PGAP3: variants seen among roughly 807,000 people sequenced by gnomAD.
PGAP3 encodes post-GPI attachment to proteins phospholipase 3.
A neutral mutation model predicts 40.3 loss-of-function variants in PGAP3; 31 were observed. That is an observed-to-expected ratio of 0.77 (90% CI 0.58 to 1.04). PGAP3 has a LOEUF of 1.04. Ranked by LOEUF, PGAP3 falls within the 50% of genes least tolerant of loss-of-function variation. The probability of loss-of-function intolerance (pLI) is 0.00; values close to 1 mark genes in which losing one functional copy is unlikely to be tolerated. For synonymous variants in PGAP3, 191 were observed against 184.5 expected (o/e 1.04, Z -0.29); for missense variants, 413 against 423.0 (o/e 0.98, Z 0.21).
At position 39,687,822 on chromosome 17, in the gene PGAP3, G is replaced by T; in HGVS notation, c.181+12C>A. 1.4e-6 allele frequency: 2 copies of T among 1,414,160 alleles called. No homozygotes were observed. Among genetic ancestry groups the T allele is most frequent in the African/African-American group, 1.4e-5 (1 of 69,162 alleles). The allele number at this position is 1,414,160 out of a possible 1,614,324, so 87.6% of individuals were successfully genotyped here. On this transcript the variant is annotated intron_variant, in intron 1 of 7. Coordinates refer to ENST00000300658, the MANE Select transcript of PGAP3 (RefSeq NM_033419.5). ...ACAAATGGGCGGGGCTTACCGTGGG[G>T]GTGGGGCTTACCTGCTAGACTCATG... is the stretch of plus-strand genomic sequence containing the variant.
At chr17:39,674,484 T>A in intron 4 of PGAP3, 133 bp downstream of exon 4, 1 of 979,114 alleles carries the variant, frequency 1.0e-6, no homozygotes, top group South Asian at 1.8e-5. Flanking sequence ...ACCAACAGGT[T>A]TAGGATGCCC....
chr17:39,682,344 C>T (rs1481905006), intron 3 of PGAP3, among the ~76,000 whole-genome samples: 1 of 149,726 alleles, frequency 6.7e-6, no homozygotes, highest in African/African-American at 2.5e-5. Context: ...TGCTATTGCC[C>T]AATGGAAACT....
At position 39,672,224 on chromosome 17, in the gene PGAP3, G is replaced by A. The variant is rs1250521549; in HGVS notation, c.*579C>T. ...GAAAGGGAGTATGGTGAGGCCTCCT[G>A]GGAACCTGGCTAGGGCAATGGTCAG... On this transcript the variant is annotated 3_prime_UTR_variant, in exon 8 of 8. Coordinates refer to ENST00000300658, the MANE Select transcript of PGAP3 (RefSeq NM_033419.5). 1 of 156,010 alleles carries A rather than the reference G, an allele frequency of 6.4e-6. No homozygotes were observed. Among genetic ancestry groups the A allele is most frequent in the African/African-American group, 2.4e-5 (1 of 41,466 alleles). The allele number at this position is 156,010 out of a possible 1,614,324, so 9.7% of individuals were successfully genotyped here.
In PGAP3 at chr17:39,684,684, G is replaced by A; in HGVS notation, c.345C>T (p.Gly115=). 3 of 1,613,978 alleles carry A rather than the reference G, an allele frequency of 1.9e-6. No homozygotes were observed. The highest frequency in any genetic ancestry group is 1.7e-4 in the Middle Eastern group (1 of 6,058). The change falls in exon 3 of 8, where the codon GGC becomes GGT. Residue 115 remains glycine (G), a synonymous_variant. Transcript: ENST00000300658. The stretch of plus-strand genomic sequence containing the variant: ...GGCAGAGCATCACCAGGCTGGCCAG[G>A]CCATTGAGAAACGAGGCCACGGCCG... ...PASAVASFLN[G]LASLVMLCRY...
In PGAP3 at chr17:39,672,605, G is replaced by A; in HGVS notation, c.*198C>T. 1 of 617,310 alleles carries A rather than the reference G, an allele frequency of 1.6e-6. No homozygotes were observed. The highest frequency in any genetic ancestry group is 2.9e-6 in the Non-Finnish European group (1 of 348,826). 38.2% of individuals were successfully genotyped at this position (617,310 alleles called of 1,614,324 possible). ...GCCCACTCTCGAGTCCCAGATGCTG[G>A]GAGGCCTTCCCTAGAACAGACTCCA... On this transcript the variant is annotated 3_prime_UTR_variant, in exon 8 of 8. Coordinates refer to ENST00000300658, the MANE Select transcript of PGAP3 (RefSeq NM_033419.5).
chr17:39,673,584 G>T lies in PGAP3; in HGVS notation c.624C>A (p.Thr208=). Residue 208 remains threonine, a synonymous_variant, in exon 6 of 8, where the codon ACC becomes ACA. Transcript: ENST00000300658. ...AFRALLLLML[T]VHVSYLSLIR... is the part of the protein sequence containing the mutation. ...TGAGGCTCAGGTAGGAGACGTGCAC[G>T]GTCAGCATGAGCAGCAGGAGAGCCC... 1 of 1,614,066 alleles carries T rather than the reference G, an allele frequency of 6.2e-7. No homozygotes were observed. The highest frequency in any genetic ancestry group is 8.5e-7 in the Non-Finnish European group (1 of 1,180,010).
chr17:39,678,971 T>G (rs560261796), intron 3 of PGAP3, among the ~76,000 whole-genome samples: 1 of 152,288 alleles, frequency 6.6e-6, no homozygotes, highest in South Asian at 2.1e-4. Flanking sequence ...TTTGTTTTTT[T>G]TGAGATGGAG....
Position 39,672,692 on chromosome 17 carries a change from G to A in PGAP3, c.*111C>T. The A allele has an allele frequency of 1.8e-6, 2 of 1,136,818 alleles. No homozygotes were observed. The highest frequency in any genetic ancestry group is 1.9e-4 in the Middle Eastern group (1 of 5,182). 70.4% of individuals were successfully genotyped at this position (1,136,818 alleles called of 1,614,324 possible). A position where few individuals can be genotyped will look rare whatever the true frequency, so the allele number is the denominator to read the frequency against. ...ATGATTCTGGGCCCACATCCTTCAT[G>A]TCCAAGTTCAAGAAGTTGAAAAGAG... On this transcript the variant is annotated 3_prime_UTR_variant, in exon 8 of 8. Coordinates refer to ENST00000300658, the MANE Select transcript of PGAP3 (RefSeq NM_033419.5).
chr17:39,681,449 A>G (rs2057439016), intron 3 of PGAP3, among the ~76,000 whole-genome samples: 1 of 152,176 alleles, frequency 6.6e-6, no homozygotes, highest in Admixed American at 6.5e-5. Context: ...CCCCCGCACT[A>G]GACCCAAGAG....
intron 6 of PGAP3, 36 bp from the exon 7 acceptor site, chr17:39,673,291 T>C: frequency 6.4e-7 from 1 of 1,553,352 alleles, no homozygotes; most frequent in Non-Finnish European, 8.7e-7. Flanking sequence ...ACTCATTCCT[T>C]CGGCTCCTTC....
chr17:39,684,654 G>A lies in PGAP3; in HGVS notation c.375C>T (p.Tyr125=), dbSNP rs745328566. The change falls in exon 3 of 8, where the codon TAC becomes TAT. Residue 125 remains tyrosine (Y), a synonymous_variant. Transcript: ENST00000300658. ...GGGAGGAGGCTGGCACGAAGGTGCG[G>A]TAGCGGCAGAGCATCACCAGGCTGG... ...GLASLVMLCR[Y]RTFVPASSPM... The A allele has an allele frequency of 2.5e-6, 4 of 1,614,054 alleles. No homozygotes were observed. In the South Asian group the frequency reaches 3.3e-5, roughly 13 times the overall value.
At chr17:39,675,841 G>A (rs1312802182) in intron 3 of PGAP3, among the ~76,000 whole-genome samples, 2 of 152,230 alleles carry the variant, frequency 1.3e-5, no homozygotes, top group Non-Finnish European at 2.9e-5. Flanking sequence ...GCGCAAGGCT[G>A]CCTAGTGCCC....
intron 3 of PGAP3, among the ~76,000 whole-genome samples, chr17:39,679,309 A>G (rs1597819935): frequency 6.6e-6 from 1 of 150,390 alleles, no homozygotes; most frequent in African/African-American, 2.5e-5. Flanking sequence ...GGGAAGTGTG[A>G]CCCCCCTCTC....
At chr17:39,684,917 C>T in intron 2 of PGAP3, 168 bp from the exon 3 acceptor site, 1 of 766,360 alleles carries the variant, frequency 1.3e-6, no homozygotes. Context: ...AGCCACCCTC[C>T]AGTGCCTAGT....
Position 39,673,268 on chromosome 17 carries a change from G to C in PGAP3, c.695-13C>G. On this transcript the variant is annotated splice_polypyrimidine_tract_variant and intron_variant, in intron 6 of 7. Coordinates refer to ENST00000300658, the MANE Select transcript of PGAP3 (RefSeq NM_033419.5). ...ACGTTGACCAGGCCTGGGTGCCAGT[G>C]GGGGCAGGAGAGACTCATTCCTTCG... The C allele has an allele frequency of 6.4e-7, 1 of 1,555,920 alleles. No homozygotes were observed. Among genetic ancestry groups the C allele is most frequent in the Non-Finnish European group, 8.7e-7 (1 of 1,150,322 alleles).
At chr17:39,674,818 T>C in intron 3 of PGAP3, 139 bp from the exon 4 acceptor site, 1 of 878,588 alleles carries the variant, frequency 1.1e-6, no homozygotes. Context: ...CCTGGAGCCC[T>C]CTGAACAAAC....
chr17:39,684,404 G>C (rs543050861), intron 3 of PGAP3, among the ~76,000 whole-genome samples, 193 bp downstream of exon 3: 24 of 152,280 alleles, frequency 1.6e-4, no homozygotes, highest in South Asian at 8.3e-4. Flanking sequence ...CTAGGGCTCT[G>C]CTGGAAAGGT....
chr17:39,674,614 C>A lies in PGAP3; in HGVS notation c.495+3G>T. On this transcript the variant is annotated splice_donor_region_variant and intron_variant, in intron 4 of 7. Coordinates refer to ENST00000300658, the MANE Select transcript of PGAP3 (RefSeq NM_033419.5). The stretch of plus-strand genomic sequence containing the variant: ...CAGGAGGGGGAGCTGGAGGAATGCT[C>A]ACCTCTGTGAGGTCAGTGTCCCTGG... 1.3e-6 allele frequency: 2 copies of A among 1,550,388 alleles called. No homozygotes were observed. Among genetic ancestry groups the A allele is most frequent in the Non-Finnish European group, 1.7e-6 (2 of 1,145,936 alleles).
In PGAP3 at chr17:39,686,028, G is replaced by T; in HGVS notation, c.182-9C>A. The T allele has an allele frequency of 1.2e-6, 2 of 1,609,734 alleles. No individual in the cohort carries two copies. Among genetic ancestry groups the T allele is most frequent in the South Asian group, 2.2e-5 (2 of 90,886 alleles). On this transcript the variant is annotated splice_polypyrimidine_tract_variant and intron_variant, in intron 1 of 7. Transcript: ENST00000300658. ...GTCCCGACAGGTCCAGCCTGAAACAGACAAATGTGGCCTGGTGAACTCCCC... is the reference window on the plus strand; with the variant it reads ...GTCCCGACAGGTCCAGCCTGAAACATACAAATGTGGCCTGGTGAACTCCCC...
Sources: gnomAD v4.1 joint callset for allele counts (sites outside exome capture counted in the v4.1 genomes callset) on GRCh38, gnomAD v4.1.1 for gene constraint, MANE v1.5 for transcripts, NCBI Gene and HGNC (gene_info 2026-07-23, HGNC 2026-07-21) for gene names.